NHP2: variants seen among roughly 807,000 people sequenced by gnomAD.
NHP2 encodes the protein NHP2 ribonucleoprotein.
In NHP2, 10 loss-of-function variants were observed where a neutral mutation model predicts 16.7. The observed-to-expected ratio is 0.60, with a 90% CI of 0.37 to 1.01. The LOEUF (loss-of-function observed/expected upper bound fraction) is 1.01. NHP2 is among the 50% of genes least tolerant of loss of function. The pLI is 0.01. For synonymous variants in NHP2, 87 were observed against 78.9 expected (o/e 1.10, Z -0.54); for missense variants, 184 against 198.3 (o/e 0.93, Z 0.43).
At position 178,153,722 on chromosome 5, in the gene NHP2, G is replaced by A. The variant is rs886060478; in HGVS notation, c.96C>T (p.Asn32=). ...GAGAAGCCAGGGGCTGCGCGATGGG[G>A]TTCTGGTTGACCAGCAGCTCCTGGT... The part of the protein sequence containing the change: ...RTYQELLVNQ[N]PIAQPLASRR... The change falls in exon 1 of 4, where the codon AAC becomes AAT. Residue 32 remains asparagine (N), a synonymous_variant. Coordinates refer to ENST00000274606, the MANE Select transcript of NHP2 (RefSeq NM_017838.4). 6.2e-7 allele frequency: 1 copy of A among 1,613,858 alleles called. No homozygotes were observed. Among genetic ancestry groups the A allele is most frequent in the Non-Finnish European group, 8.5e-7 (1 of 1,179,944 alleles).
At chr5:178,153,093 A>G in intron 2 of NHP2, 1 of 329,522 alleles carries the variant, frequency 3.0e-6, no homozygotes, top group Non-Finnish European at 5.9e-6. Flanking sequence ...TCAAAAACAA[A>G]CAAAAACGTT....
In NHP2 at chr5:178,153,691, G is replaced by A. The variant is rs1176288786; in HGVS notation, c.127C>T (p.Leu43Phe). 1 of 1,614,026 alleles carries A rather than the reference G, an allele frequency of 6.2e-7. No homozygotes were observed. The highest frequency in any genetic ancestry group is 8.5e-7 in the Non-Finnish European group (1 of 1,179,952). The change falls in exon 1 of 4, where the codon CTC (leucine) becomes TTC (phenylalanine). Residue 43 changes from leucine to phenylalanine, a missense_variant. Transcript: ENST00000274606. ...ATGCATTTGTAGAGCTTCCGCGTGAGGCGGCGAGAAGCCAGGGGCTGCGCG... is the reference window on the plus strand; with the variant it reads ...ATGCATTTGTAGAGCTTCCGCGTGAAGCGGCGAGAAGCCAGGGGCTGCGCG... ...PIAQPLASRR[L>F]TRKLYKCIKK...
chr5:178,150,052 T>C, intron 3 of NHP2: 1 of 478,092 alleles, frequency 2.1e-6, no homozygotes, highest in South Asian at 2.3e-5. Flanking sequence ...CATTCCCACA[T>C]GGCAACTATG....
rs1561645117 is a variant in NHP2 at position 178,153,365 on chromosome 5, G to C, written c.230+126C>G. On this transcript the variant is annotated intron_variant, in intron 2 of 3. Coordinates refer to ENST00000274606, the MANE Select transcript of NHP2 (RefSeq NM_017838.4). ...GGTATTGTACCAAAGGGACTTTACC[G>C]ACTGCTTGATTGGCTTCTGTATATG... 5 of 911,296 alleles carry C rather than the reference G, an allele frequency of 5.5e-6. No individual in the cohort carries two copies. The Admixed American group carries it at 5.5e-5, about 10-fold the overall frequency. The allele number at this position is 911,296 out of a possible 1,614,324, so 56.5% of individuals were successfully genotyped here.
At chr5:178,153,451 C>T in intron 2 of NHP2, 40 bp downstream of exon 2, 2 of 1,600,066 alleles carry the variant, frequency 1.2e-6, no homozygotes, top group Non-Finnish European at 1.7e-6. Context: ...TCTCCGTTAA[C>T]GTTTAGAAAT....
rs1409603740 is a variant in NHP2 at position 178,149,654 on chromosome 5, C to T, written c.*59G>A. The T allele has an allele frequency of 6.2e-6, 10 of 1,607,430 alleles. No individual in the cohort carries two copies. The highest frequency in any genetic ancestry group is 2.2e-4 in the Middle Eastern group (1 of 4,640). On this transcript the variant is annotated 3_prime_UTR_variant, in exon 4 of 4. Coordinates refer to ENST00000274606, the MANE Select transcript of NHP2 (RefSeq NM_017838.4). ...GTGGGTGGGCAGGAGGACAGCCAGTCGTCCTGCTGCCAGCCCAATAGCTTC... is the reference window on the plus strand; with the variant it reads ...GTGGGTGGGCAGGAGGACAGCCAGTTGTCCTGCTGCCAGCCCAATAGCTTC...
At chr5:178,151,326 A>G (rs914460885) in intron 2 of NHP2, among the ~76,000 whole-genome samples, 13 of 152,064 alleles carry the variant, frequency 8.5e-5, no homozygotes, top group African/African-American at 3.1e-4. Context: ...GGGGGAGAGC[A>G]TGTGGTGTGA....
intron 2 of NHP2, 76 bp downstream of exon 2, chr5:178,153,415 T>C: frequency 6.7e-7 from 1 of 1,497,946 alleles, no homozygotes; most frequent in South Asian, 1.1e-5. Context: ...TTAACCTTTT[T>C]ACTGCGCGCC....
chr5:178,153,619 C>T lies in NHP2; in HGVS notation c.160+39G>A, dbSNP rs781715316. On this transcript the variant is annotated intron_variant, in intron 1 of 3. Transcript: ENST00000274606. ...CTCAGCCACCCGCGCACCCATCCCACCCGCGCACCCATCCCGGCCACGCCG... is the reference window on the plus strand; with the variant it reads ...CTCAGCCACCCGCGCACCCATCCCATCCGCGCACCCATCCCGGCCACGCCG... 1.5e-5 allele frequency: 25 copies of T among 1,613,786 alleles called. No individual in the cohort carries two copies. In the East Asian group the frequency reaches 5.1e-4, roughly 33 times the overall value.
Position 178,153,827 on chromosome 5 carries a change from C to G in NHP2, c.-10G>C, listed in dbSNP as rs371173524. The G allele has an allele frequency of 3.7e-6, 6 of 1,602,630 alleles. No individual in the cohort carries two copies. Among genetic ancestry groups the G allele is most frequent in the South Asian group, 2.2e-5 (2 of 89,774 alleles). On this transcript the variant is annotated 5_prime_UTR_variant, in exon 1 of 4. Coordinates refer to ENST00000274606, the MANE Select transcript of NHP2 (RefSeq NM_017838.4). ...CCTTTATTTTGGTCATCGCAGCGGC[C>G]GCTGAAACCTAGTCCCAGGGAGGCG...
At position 178,153,804 on chromosome 5, in the gene NHP2, T is replaced by A. The variant is rs898669777; in HGVS notation, c.14A>T (p.Lys5Met). ...AGCCTCGGGCCCGTCGGGATCTGCC[T>A]TTATTTTGGTCATCGCAGCGGCCGC... is the stretch of plus-strand genomic sequence containing the variant. MTKI[K>M]ADPDGPEAQA... The change falls in exon 1 of 4, where the codon AAG becomes ATG. Residue 5 changes from lysine (K) to methionine (M), a missense_variant. Physicochemically the swap from Lys to Met is moderately conservative, Grantham distance 95. Coordinates refer to ENST00000274606, the MANE Select transcript of NHP2 (RefSeq NM_017838.4). 1 of 1,610,194 alleles carries A rather than the reference T, an allele frequency of 6.2e-7. No individual in the cohort carries two copies. The highest frequency in any genetic ancestry group is 8.5e-7 in the Non-Finnish European group (1 of 1,178,388).
In NHP2 at chr5:178,153,540, G is replaced by T; in HGVS notation, c.181C>A (p.Arg61=). Residue 61 remains arginine, a synonymous_variant, in exon 2 of 4, where the codon CGG becomes AGG. Transcript: ENST00000274606. ...IKKAVKQKQI[R]RGVKEVQKFV... ...TTCTGAACCTCTTTCACCCCGCGCC[G>T]AATCTGCTTCTGCTTCACCGCTGCA... 6.2e-7 allele frequency: 1 copy of T among 1,614,216 alleles called. No homozygotes were observed. The highest frequency in any genetic ancestry group is 1.1e-5 in the South Asian group (1 of 91,086).
chr5:178,151,170 C>T lies in NHP2; in HGVS notation c.231-177G>A, dbSNP rs564846977. On this transcript the variant is annotated intron_variant, in intron 2 of 3. Transcript: ENST00000274606. ...GGTGCCACCAAAGTGATGTAGTGCT[C>T]GGACAGGTGAAGTACAGGATGGGTG... Among the ~76,000 whole-genome samples, 42 of 152,284 alleles carry T rather than the reference C, an allele frequency of 2.8e-4. 2 individuals carry two copies. The highest frequency in any genetic ancestry group is 8.3e-4 in the South Asian group (4 of 4,820).
rs747903835 is a variant in NHP2, at chr5:178,150,897, G to A, written c.327C>T (p.Pro109=). Residue 109 remains proline (P), a synonymous_variant, in exon 3 of 4, where the codon CCC becomes CCT. Transcript: ENST00000274606. ...GCCACGTGCTCCTTACCGTCTTAGA[G>A]GGGATATAGACATAGGGCAAATTTC... is the stretch of plus-strand genomic sequence containing the variant. ...EDRNLPYVYI[P]SKTDLGAAAG... 2.5e-6 allele frequency: 4 copies of A among 1,611,126 alleles called. No homozygotes were observed. The highest frequency in any genetic ancestry group is 3.3e-4 in the Middle Eastern group (2 of 6,058).
At position 178,153,851 on chromosome 5, in the gene NHP2, C is replaced by A. The variant is rs966576397; in HGVS notation, c.-34G>T. On this transcript the variant is annotated 5_prime_UTR_variant, in exon 1 of 4. Transcript: ENST00000274606. ...CCGCTGAAACCTAGTCCCAGGGAGG[C>A]GAGCCCACGCGGTCCACAGCTTTAG... 1.9e-6 allele frequency: 3 copies of A among 1,585,774 alleles called. No individual in the cohort carries two copies. Among genetic ancestry groups the A allele is most frequent in the Non-Finnish European group, 2.6e-6 (3 of 1,166,338 alleles).
chr5:178,149,505 A>G lies in NHP2; in HGVS notation c.*208T>C. 1.7e-6 allele frequency: 1 copy of G among 582,944 alleles called. No homozygotes were observed. The highest frequency in any genetic ancestry group is 3.1e-6 in the Non-Finnish European group (1 of 325,700). The allele number at this position is 582,944 out of a possible 1,614,324, so 36.1% of individuals were successfully genotyped here. A position where few individuals can be genotyped will look rare whatever the true frequency, so the allele number is the denominator to read the frequency against. On this transcript the variant is annotated 3_prime_UTR_variant, in exon 4 of 4. Transcript: ENST00000274606. ...ACTTTCCCCACCCCACATTCTTGGA[A>G]CAGCCTTTAGTTCTACAGGAAATGG...
chr5:178,152,231 T>C (rs752090177), intron 2 of NHP2, among the ~76,000 whole-genome samples: 1 of 152,204 alleles, frequency 6.6e-6, no homozygotes, highest in Non-Finnish European at 1.5e-5. Context: ...TTCCTGGCTT[T>C]AACCCCTAAT....
chr5:178,151,260 T>TG (rs1245489306), intron 2 of NHP2, among the ~76,000 whole-genome samples: 2 of 152,132 alleles, frequency 1.3e-5, no homozygotes, highest in Non-Finnish European at 2.9e-5. Flanking sequence ...AGGTGACACT[T>TG]GAACAGCACG....
chr5:178,150,742 CA>C, intron 3 of NHP2, 145 bp downstream of exon 3: 1 of 774,112 alleles, frequency 1.3e-6, no homozygotes. Flanking sequence ...TCTGTAGTCC[CA>C]AAACTAAGAA....
Sources: gnomAD v4.1 joint callset for allele counts (sites outside exome capture counted in the v4.1 genomes callset) on GRCh38, gnomAD v4.1.1 for gene constraint, MANE v1.5 for transcripts, NCBI Gene and HGNC (gene_info 2026-07-23, HGNC 2026-07-21) for gene names.